The following BRCA1 variants were observed in gnomAD, a reference collection of about 807,000 sequenced individuals.
The protein encoded by BRCA1 is BRCA1 DNA repair associated.
Under a neutral mutation model 173.7 loss-of-function variants are expected in BRCA1, and 140 were observed. That is an observed-to-expected ratio of 0.81 (90% CI 0.70 to 0.93). The LOEUF (loss-of-function observed/expected upper bound fraction) is 0.93. Ranked by LOEUF, BRCA1 falls within the 40% of genes least tolerant of loss-of-function variation. The pLI, the probability that BRCA1 is intolerant of heterozygous loss-of-function variation, is 0.00. For synonymous variants in BRCA1, 662 were observed against 756.0 expected (o/e 0.88, Z 2.04); for missense variants, 1,983 against 2,172.5 (o/e 0.91, Z 1.73).
intron 2 of BRCA1, among the ~76,000 whole-genome samples, chr17:43,120,214 C>A (rs1005834250): frequency 2.6e-5 from 4 of 152,304 alleles, no homozygotes; most frequent in Admixed American, 2.0e-4. Flanking sequence ...TTACAAAGAA[C>A]TACCAATTGT....
Position 43,110,519 on chromosome 17 carries a change from A to C in BRCA1, c.135-3986T>G, listed in dbSNP as rs761454371. Reference sequence around the variant, plus strand: ...TAGGATCGCTTGAGCCTAGGAGGTCAAGGCAACAGTAAGCCTCATGATCGC... The same window carrying C: ...TAGGATCGCTTGAGCCTAGGAGGTCCAGGCAACAGTAAGCCTCATGATCGC... On this transcript the variant is annotated intron_variant, in intron 3 of 22. Coordinates refer to ENST00000357654, the MANE Select transcript of BRCA1 (RefSeq NM_007294.4). The C allele has an allele frequency of 1.1e-5, 5 of 438,748 alleles. No individual in the cohort carries two copies. In the East Asian group the frequency reaches 3.6e-4, roughly 31 times the overall value. The allele number at this position is 438,748 out of a possible 1,614,324, so 27.2% of individuals were successfully genotyped here.
upstream of BRCA1, among the ~76,000 whole-genome samples, chr17:43,130,025 T>C: frequency 6.6e-6 from 1 of 152,120 alleles, no homozygotes; most frequent in East Asian, 1.9e-4. Context: ...ATAATTATCT[T>C]AGGGTTTCAA....
chr17:43,106,853 T>TCAAATATAAA (rs2154556143), intron 3 of BRCA1, among the ~76,000 whole-genome samples: 1 of 152,288 alleles, frequency 6.6e-6, no homozygotes, highest in South Asian at 2.1e-4. Flanking sequence ...TGCTGCATAA[T>TCAAATATAAA]CAAATATAAA....
intron 1 of BRCA1, among the ~76,000 whole-genome samples, chr17:43,134,044 G>A (rs1019036057): frequency 7.2e-5 from 11 of 152,146 alleles, no homozygotes; most frequent in African/African-American, 2.7e-4. Context: ...CATCTACAAT[G>A]CCCTTTACTC....
intron 1 of BRCA1, among the ~76,000 whole-genome samples, chr17:43,143,086 ATATT>A (rs907958674): frequency 5.3e-4 from 79 of 149,162 alleles, no homozygotes; most frequent in African/African-American, 1.3e-3. Flanking sequence ...GTGTGTGTGT[ATATT>A]TATTTATTTA....
At chr17:43,117,164 G>C (rs937993683) in intron 2 of BRCA1, among the ~76,000 whole-genome samples, 1 of 152,160 alleles carries the variant, frequency 6.6e-6, no homozygotes, top group Non-Finnish European at 1.5e-5. Context: ...GCTTAAGGCC[G>C]GGCATGGTGC....
intron 1 of BRCA1, chr17:43,148,801 G>A (rs1036135297): frequency 8.9e-5 from 15 of 167,802 alleles, no homozygotes; most frequent in African/African-American, 2.7e-4. Context: ...GGAAGAAAAC[G>A]CAATTAAGAT....
chr17:43,116,590 C>A (rs969930490), intron 2 of BRCA1, among the ~76,000 whole-genome samples: 32 of 152,136 alleles, frequency 2.1e-4, no homozygotes, highest in African/African-American at 7.5e-4. Context: ...GCGATCTCGG[C>A]TCACTGCAAC....
At position 43,093,583 on chromosome 17, in the gene BRCA1, T is replaced by C. The variant is rs749896277; in HGVS notation, c.1948A>G (p.Ile650Val). Residue 650 changes from isoleucine (I) to valine (V), a missense_variant, in exon 10 of 23, where the codon ATA (isoleucine) becomes GTA (valine). Ile to Val is a conservative substitution (Grantham distance 29, BLOSUM62 3). Transcript: ENST00000357654. ...QIDSCSSSEE[I>V]KKKKYNQMPV... Reference sequence around the variant, plus strand: ...ATTTGGTTGTACTTTTTTTTCTTTATCTCTTCACTGCTAGAACAACTATCA... The same window carrying C: ...ATTTGGTTGTACTTTTTTTTCTTTACCTCTTCACTGCTAGAACAACTATCA... 6.2e-7 allele frequency: 1 copy of C among 1,613,960 alleles called. No individual in the cohort carries two copies. Among genetic ancestry groups the C allele is most frequent in the East Asian group, 2.2e-5 (1 of 44,890 alleles).
At chr17:43,137,333 G>T (rs893164858) in intron 1 of BRCA1, among the ~76,000 whole-genome samples, 4 of 150,542 alleles carry the variant, frequency 2.7e-5, no homozygotes, top group Non-Finnish European at 4.4e-5. Flanking sequence ...TGTAAATGAC[G>T]AGTTAACAGG....
intron 2 of BRCA1, among the ~76,000 whole-genome samples, chr17:43,118,090 G>A (rs1489478322): frequency 6.6e-6 from 1 of 152,004 alleles, no homozygotes; most frequent in Non-Finnish European, 1.5e-5. Context: ...TGTACATGGG[G>A]GGAGTCAGGA....
At chr17:43,155,421 G>T (rs2056190582) in intron 1 of BRCA1, among the ~76,000 whole-genome samples, 1 of 152,166 alleles carries the variant, frequency 6.6e-6, no homozygotes. Flanking sequence ...TATAGAGACA[G>T]GATCTCACTA....
intron 3 of BRCA1, chr17:43,110,375 C>G: frequency 4.5e-6 from 1 of 223,242 alleles, no homozygotes. Context: ...CGGGTTAAGC[C>G]CAAAGTTCAA....
intron 15 of BRCA1, 89 bp from the exon 16 acceptor site, chr17:43,067,784 C>T (rs2153725155): frequency 9.9e-7 from 1 of 1,014,206 alleles, no homozygotes; most frequent in East Asian, 2.5e-5. Context: ...ATATGTTTAC[C>T]TATGTAGCAA....
At chr17:43,119,342 A>G (rs1339517074) in intron 2 of BRCA1, 1 of 222,634 alleles carries the variant, frequency 4.5e-6, no homozygotes, top group African/African-American at 2.2e-5. Context: ...GAAGGGTTGT[A>G]ATACAACTCT....
At chr17:43,071,544 T>C (rs571879954) in intron 14 of BRCA1, among the ~76,000 whole-genome samples, 11 of 97,690 alleles carry the variant, frequency 1.1e-4, no homozygotes, top group African/African-American at 3.3e-4. Flanking sequence ...TTAGAAACAA[T>C]GTAGTTGTCC....
chr17:43,071,042 C>A lies in BRCA1; in HGVS notation c.4872G>T (p.Gly1624=), dbSNP rs11555992. 6.2e-7 allele frequency: 1 copy of A among 1,614,142 alleles called. No individual in the cohort carries two copies. The highest frequency in any genetic ancestry group is 1.7e-5 in the Admixed American group (1 of 60,018). The part of the protein sequence containing the change: ...PAAAHTTDTA[G]YNAMEESVSR... ...TCACACTTTCTTCCATTGCATTATA[C>A]CCAGCAGTATCAGTAGTATGAGCAG... The change falls in exon 15 of 23, where the codon GGG becomes GGT. Residue 1624 remains glycine (G), a synonymous_variant. Coordinates refer to ENST00000357654, the MANE Select transcript of BRCA1 (RefSeq NM_007294.4).
chr17:43,141,533 TC>T (rs1254505649), intron 1 of BRCA1, among the ~76,000 whole-genome samples: 1 of 151,992 alleles, frequency 6.6e-6, no homozygotes, highest in Admixed American at 6.6e-5. Flanking sequence ...AAAAAAATTA[TC>T]ACCGGGCACG....
At chr17:43,107,877 C>CCATA (rs1298047122) in intron 3 of BRCA1, among the ~76,000 whole-genome samples, 1 of 152,140 alleles carries the variant, frequency 6.6e-6, no homozygotes. Context: ...CCAATATTTA[C>CCATA]TATGTCTAGT....
Sources: gnomAD v4.1 joint callset for allele counts (sites outside exome capture counted in the v4.1 genomes callset) on GRCh38, gnomAD v4.1.1 for gene constraint, MANE v1.5 for transcripts, NCBI Gene and HGNC (gene_info 2026-07-23, HGNC 2026-07-21) for gene names.